FBXL7: variants seen among roughly 807,000 people sequenced by gnomAD.
FBXL7 encodes F-box/LRR-repeat protein 7.
Under a neutral mutation model 38.3 loss-of-function variants are expected in FBXL7, and 12 were observed. That is an observed-to-expected ratio of 0.31 (90% CI 0.20 to 0.51). The LOEUF (loss-of-function observed/expected upper bound fraction) is 0.51, where lower values mean the gene tolerates loss of function less well. FBXL7 is among the 20% of genes least tolerant of loss of function. The pLI is 0.98. For synonymous variants in FBXL7, 297 were observed against 300.9 expected (o/e 0.99, Z 0.13); for missense variants, 567 against 676.4 (o/e 0.84, Z 1.79).
chr5:15,815,818 A>AG (rs1449068161), intron 2 of FBXL7, among the ~76,000 whole-genome samples: 5 of 151,878 alleles, frequency 3.3e-5, no homozygotes, highest in African/African-American at 1.2e-4. Context: ...TAAGGTGATA[A>AG]CCAATGGCTA....
At chr5:15,523,582 T>C (rs1737165002) in intron 1 of FBXL7, among the ~76,000 whole-genome samples, 1 of 151,544 alleles carries the variant, frequency 6.6e-6, no homozygotes, top group South Asian at 2.1e-4. Context: ...AATCACATAG[T>C]AGCTTGGAGG....
At chr5:15,582,214 C>G (rs910623811) in intron 1 of FBXL7, among the ~76,000 whole-genome samples, 1 of 152,192 alleles carries the variant, frequency 6.6e-6, no homozygotes, top group Non-Finnish European at 1.5e-5. Context: ...GCTGGGATTA[C>G]AGGTGTGAGG....
intron 2 of FBXL7, among the ~76,000 whole-genome samples, chr5:15,788,967 C>A (rs1737203875): frequency 6.6e-6 from 1 of 151,820 alleles, no homozygotes; most frequent in Non-Finnish European, 1.5e-5. Flanking sequence ...TCTCCTGCCT[C>A]AGCCTCCAGA....
At chr5:15,721,124 T>C (rs375015175) in intron 2 of FBXL7, among the ~76,000 whole-genome samples, 4 of 152,326 alleles carry the variant, frequency 2.6e-5, no homozygotes, top group East Asian at 3.9e-4. Context: ...AATATACATA[T>C]AAGGTATAAT....
intron 2 of FBXL7, among the ~76,000 whole-genome samples, chr5:15,696,871 C>T (rs1259881114): frequency 1.3e-5 from 2 of 152,176 alleles, no homozygotes; most frequent in Non-Finnish European, 2.9e-5. Flanking sequence ...TCTGTGCAGG[C>T]CTTTCCTCAC....
intron 1 of FBXL7, among the ~76,000 whole-genome samples, chr5:15,590,140 G>A (rs530753078): frequency 4.6e-5 from 7 of 152,312 alleles, no homozygotes; most frequent in African/African-American, 1.7e-4. Context: ...GAGCTATGGA[G>A]TAATGGACAG....
chr5:15,568,286 A>G (rs1738653935), intron 1 of FBXL7, among the ~76,000 whole-genome samples: 1 of 152,128 alleles, frequency 6.6e-6, no homozygotes, highest in Non-Finnish European at 1.5e-5. Context: ...AATGATCGCC[A>G]TTCTAACTGG....
At chr5:15,529,957 A>G (rs117245694) in intron 1 of FBXL7, among the ~76,000 whole-genome samples, 1 of 152,324 alleles carries the variant, frequency 6.6e-6, no homozygotes, top group East Asian at 1.9e-4. Flanking sequence ...GCTTCACGGT[A>G]GCTGTAACCA....
chr5:15,880,532 C>T (rs1476054924), intron 2 of FBXL7, among the ~76,000 whole-genome samples: 1 of 152,096 alleles, frequency 6.6e-6, no homozygotes, highest in Non-Finnish European at 1.5e-5. Flanking sequence ...TTTAGAAACT[C>T]TTCTTACAGC....
intron 2 of FBXL7, among the ~76,000 whole-genome samples, chr5:15,678,774 G>A (rs1302063806): frequency 6.6e-6 from 1 of 152,170 alleles, no homozygotes; most frequent in Non-Finnish European, 1.5e-5. Context: ...CTGCCGCCAT[G>A]TAAGACATGC....
intron 1 of FBXL7, among the ~76,000 whole-genome samples, chr5:15,527,474 A>C (rs1737285200): frequency 6.6e-6 from 1 of 152,202 alleles, no homozygotes; most frequent in Admixed American, 6.5e-5. Flanking sequence ...TCAGTTCATC[A>C]GAGATTAAAA....
chr5:15,505,016 ACT>A (rs1736606079), intron 1 of FBXL7, among the ~76,000 whole-genome samples: 2 of 152,058 alleles, frequency 1.3e-5, no homozygotes, highest in South Asian at 4.1e-4. Context: ...ATCCTTGGTA[ACT>A]CTGCTGCTCT....
At chr5:15,570,426 C>T (rs1205378315) in intron 1 of FBXL7, among the ~76,000 whole-genome samples, 1 of 152,180 alleles carries the variant, frequency 6.6e-6, no homozygotes, top group African/African-American at 2.4e-5. Context: ...TCTGTGGGGT[C>T]AGTGGTGATA....
chr5:15,870,931 A>C (rs960857743), intron 2 of FBXL7, among the ~76,000 whole-genome samples: 1 of 152,232 alleles, frequency 6.6e-6, no homozygotes, highest in African/African-American at 2.4e-5. Flanking sequence ...AGAGAGCAGC[A>C]GATCTCCCAG....
intron 1 of FBXL7, among the ~76,000 whole-genome samples, chr5:15,574,282 G>A (rs964387396): frequency 2.0e-5 from 3 of 152,182 alleles, no homozygotes; most frequent in African/African-American, 4.8e-5. Context: ...CTGTAAAAGT[G>A]CAGATAGATA....
chr5:15,864,358 A>G (rs996177748), intron 2 of FBXL7, among the ~76,000 whole-genome samples: 2 of 152,118 alleles, frequency 1.3e-5, no homozygotes, highest in Non-Finnish European at 2.9e-5. Context: ...GTTCTCTATC[A>G]GTGCCTAATC....
intron 2 of FBXL7, among the ~76,000 whole-genome samples, chr5:15,781,509 G>A (rs1217916135): frequency 6.6e-6 from 1 of 151,960 alleles, no homozygotes; most frequent in African/African-American, 2.4e-5. Context: ...ATATTCAGTA[G>A]TAAGAAGCCA....
intron 1 of FBXL7, among the ~76,000 whole-genome samples, chr5:15,526,544 G>A (rs1171057188): frequency 6.6e-6 from 1 of 152,186 alleles, no homozygotes; most frequent in African/African-American, 2.4e-5. Flanking sequence ...AGTATCTCAT[G>A]TCAGAATCTC....
chr5:15,575,039 A>C (rs1194522897), intron 1 of FBXL7, among the ~76,000 whole-genome samples: 1 of 152,056 alleles, frequency 6.6e-6, no homozygotes, highest in Non-Finnish European at 1.5e-5. Context: ...GTGGGAGAAA[A>C]AGTGGGGAGT....
Sources: allele counts gnomAD v4.1 joint callset (sites outside exome capture counted in the v4.1 genomes callset), GRCh38; gene constraint gnomAD v4.1.1; transcripts MANE v1.5; gene names NCBI Gene and HGNC (gene_info 2026-07-23, HGNC 2026-07-21).